The following SULT2A1 variants were observed in gnomAD, a reference collection of about 807,000 sequenced individuals.
The protein encoded by SULT2A1 is sulfotransferase family 2A member 1.
A neutral mutation model predicts 33.9 loss-of-function variants in SULT2A1; 43 were observed. The ratio of observed to expected loss-of-function variants is 1.27; its 90% CI spans 1.00 to 1.64. The LOEUF is 1.64. SULT2A1 is among the 40% of genes most tolerant of loss of function. The pLI is 0.00. For missense variants in SULT2A1, 300 were observed against 335.1 expected, an observed-to-expected ratio of 0.90 and a Z score of 0.82; for synonymous variants, 125 against 113.6, an observed-to-expected ratio of 1.10 and a Z score of -0.64.
At chr19:47,885,341 A>G (rs1290445506) in intron 1 of SULT2A1, among the ~76,000 whole-genome samples, 3 of 150,766 alleles carry the variant, frequency 2.0e-5, no homozygotes, top group East Asian at 2.0e-4. Context: ...ATCACACACT[A>G]TTTGTATTTT....
chr19:47,879,167 T>C, intron 3 of SULT2A1, 37 bp from the exon 4 acceptor site: 1 of 1,258,202 alleles, frequency 7.9e-7, no homozygotes, highest in Non-Finnish European at 1.2e-6. Context: ...AGGTTACAAA[T>C]TTTATGAGAG....
intron 2 of SULT2A1, 145 bp from the exon 3 acceptor site, chr19:47,882,355 AC>A: frequency 2.0e-6 from 2 of 1,015,470 alleles, no homozygotes; most frequent in Non-Finnish European, 2.8e-6. Flanking sequence ...TACTGCACTC[AC>A]TAATCAAATT....
chr19:47,879,197 G>A (rs1194955815), intron 3 of SULT2A1, 67 bp from the exon 4 acceptor site: 2 of 921,498 alleles, frequency 2.2e-6, no homozygotes, highest in Non-Finnish European at 1.8e-6. Context: ...AGTCTATTAT[G>A]TTCATCCCCC....
At chr19:47,880,947 G>T (rs1426196342) in intron 3 of SULT2A1, among the ~76,000 whole-genome samples, 1 of 152,090 alleles carries the variant, frequency 6.6e-6, no homozygotes, top group African/African-American at 2.4e-5. Flanking sequence ...AGTGGGATGG[G>T]AAAAGAGAAT....
At chr19:47,879,608 G>A (rs1968582116) in intron 3 of SULT2A1, among the ~76,000 whole-genome samples, 1 of 152,084 alleles carries the variant, frequency 6.6e-6, no homozygotes, top group Non-Finnish European at 1.5e-5. Flanking sequence ...CATGAAAAAG[G>A]ATGAGTTCAT....
At chr19:47,872,109 G>A (rs1168278144) in intron 5 of SULT2A1, among the ~76,000 whole-genome samples, 1 of 151,972 alleles carries the variant, frequency 6.6e-6, no homozygotes, top group African/African-American at 2.4e-5. Flanking sequence ...GTAGAGATGG[G>A]GTTTTGCCAT....
chr19:47,877,981 T>C (rs551509478), intron 4 of SULT2A1, among the ~76,000 whole-genome samples: 1 of 152,348 alleles, frequency 6.6e-6, no homozygotes, highest in Non-Finnish European at 1.5e-5. Flanking sequence ...TTTCTGTTCA[T>C]ACCAGCCAAG....
intron 5 of SULT2A1, among the ~76,000 whole-genome samples, chr19:47,873,893 G>A (rs1193706023): frequency 6.6e-6 from 1 of 151,624 alleles, no homozygotes; most frequent in Non-Finnish European, 1.5e-5. Context: ...AAAGTGCTGG[G>A]ATTACAGGCA....
Position 47,883,663 on chromosome 19 carries a change from G to C in SULT2A1, c.259C>G (p.Leu87Val). The part of the protein sequence containing the change: ...WVESEIGYTA[L>V]SETESPRLFS... ...AAACGTGGACTCTCCGTTTCACTGA[G>C]TGCTGTATACCCAATCTCACTCTCT... The change falls in exon 2 of 6, where the codon CTC becomes GTC. Residue 87 changes from leucine (L) to valine (V), a missense_variant. Coordinates refer to ENST00000222002, the MANE Select transcript of SULT2A1 (RefSeq NM_003167.4). 1 of 1,614,092 alleles carries C rather than the reference G, an allele frequency of 6.2e-7. No individual in the cohort carries two copies. Among genetic ancestry groups the C allele is most frequent in the Non-Finnish European group, 8.5e-7 (1 of 1,180,024 alleles).
At chr19:47,881,522 C>T (rs988174965) in intron 3 of SULT2A1, among the ~76,000 whole-genome samples, 1 of 152,058 alleles carries the variant, frequency 6.6e-6, no homozygotes, top group Non-Finnish European at 1.5e-5. Flanking sequence ...TGGTGGCTCT[C>T]TCTAATGGAG....
chr19:47,874,110 G>T (rs955739237), intron 5 of SULT2A1, among the ~76,000 whole-genome samples: 1 of 152,128 alleles, frequency 6.6e-6, no homozygotes, highest in African/African-American at 2.4e-5. Context: ...AAGAGAATCT[G>T]AATGACCTCA....
intron 1 of SULT2A1, among the ~76,000 whole-genome samples, chr19:47,884,498 C>A (rs150153819): frequency 8.9e-6 from 1 of 112,240 alleles, no homozygotes; most frequent in African/African-American, 3.4e-5. Flanking sequence ...TTTTTTTTAG[C>A]GATGAGGTCT....
At chr19:47,873,638 T>C (rs1158248217) in intron 5 of SULT2A1, among the ~76,000 whole-genome samples, 1 of 141,284 alleles carries the variant, frequency 7.1e-6, no homozygotes, top group Non-Finnish European at 1.5e-5. Flanking sequence ...TTTTTTTTTT[T>C]TTTGAGACGG....
Position 47,883,572 on chromosome 19 carries a change from C to G in SULT2A1, c.345+5G>C, listed in dbSNP as rs770334627. The G allele has an allele frequency of 1.9e-6, 3 of 1,613,884 alleles. No individual in the cohort carries two copies. The highest frequency in any genetic ancestry group is 2.5e-6 in the Non-Finnish European group (3 of 1,179,818). The stretch of plus-strand genomic sequence containing the variant: ...TCAAACACGTCTTAACCATTATGCA[C>G]TGACCTTGGCCTTGGAACTGAAGAA... On this transcript the variant is annotated splice_donor_5th_base_variant and intron_variant, in intron 2 of 5. Coordinates refer to ENST00000222002, the MANE Select transcript of SULT2A1 (RefSeq NM_003167.4).
intron 3 of SULT2A1, 132 bp from the exon 4 acceptor site, chr19:47,879,262 A>G: frequency 3.1e-6 from 2 of 648,284 alleles, no homozygotes; most frequent in Non-Finnish European, 5.6e-6. Flanking sequence ...ACTTGGTCGA[A>G]GGGGACCAAC....
At chr19:47,878,989 G>A in intron 4 of SULT2A1, 47 bp downstream of exon 4, 1 of 1,167,268 alleles carries the variant, frequency 8.6e-7, no homozygotes, top group Non-Finnish European at 1.3e-6. Context: ...GGAAAGTAAG[G>A]ATGGTGGTGA....
At position 47,883,712 on chromosome 19, in the gene SULT2A1, G is replaced by T. The variant is rs750378133; in HGVS notation, c.210C>A (p.Pro70=). ...KGDAKWIQSV[P]IWERSPWVES... ...CTACCCAGGGTGATCGCTCCCAGAT[G>T]GGCACAGATTGGATCCACTTGGCAT... is the stretch of plus-strand genomic sequence containing the variant. The change falls in exon 2 of 6, where the codon CCC becomes CCA. Residue 70 remains proline, a synonymous_variant. Transcript: ENST00000222002. 7 of 1,614,098 alleles carry T rather than the reference G, an allele frequency of 4.3e-6. No homozygotes were observed. Among genetic ancestry groups the T allele is most frequent in the Non-Finnish European group, 5.1e-6 (6 of 1,180,004 alleles).
At chr19:47,874,337 G>A (rs977223925) in intron 5 of SULT2A1, among the ~76,000 whole-genome samples, 7 of 151,930 alleles carry the variant, frequency 4.6e-5, no homozygotes, top group African/African-American at 1.7e-4. Context: ...TCAGGAGATC[G>A]AGACCAGCCT....
chr19:47,880,246 A>AAAC (rs994249466), intron 3 of SULT2A1, among the ~76,000 whole-genome samples: 1 of 150,420 alleles, frequency 6.6e-6, no homozygotes, highest in East Asian at 1.9e-4. Flanking sequence ...CAAAAAAAAA[A>AAAC]AAAAAAAAAA....
Sources: gnomAD v4.1 joint callset for allele counts (sites outside exome capture counted in the v4.1 genomes callset) on GRCh38, gnomAD v4.1.1 for gene constraint, MANE v1.5 for transcripts, NCBI Gene and HGNC (gene_info 2026-07-23, HGNC 2026-07-21) for gene names.